FOXK1: variants seen among roughly 807,000 people sequenced by gnomAD.
The protein encoded by FOXK1 is forkhead box protein K1.
FOXK1 carries 19 observed loss-of-function variants against 51.9 expected under a neutral mutation model. The observed-to-expected ratio is 0.37, with a 90% CI of 0.26 to 0.54. The LOEUF (loss-of-function observed/expected upper bound fraction) is 0.54. Ranked by LOEUF, FOXK1 falls within the 20% of genes least tolerant of loss-of-function variation. FOXK1 has a pLI of 0.87. For missense variants in FOXK1, 870 were observed against 1,032.7 expected, an observed-to-expected ratio of 0.84 and a Z score of 2.16; for synonymous variants, 537 against 482.6, an observed-to-expected ratio of 1.11 and a Z score of -1.48.
Position 4,742,537 on chromosome 7 carries a change from C to T in FOXK1, c.746+1514C>T, listed in dbSNP as rs137961573. ...GCTCAAGCGGTCTCCCCACCTCAGC[C>T]TCCCAAGTTGCTGGGACCACAGGCA... On this transcript the variant is annotated intron_variant, in intron 2 of 8. Coordinates refer to ENST00000328914, the MANE Select transcript of FOXK1 (RefSeq NM_001037165.2). Among the ~76,000 whole-genome samples the T allele has an allele frequency of 1.2e-4, 18 of 152,314 alleles. No individual in the cohort carries two copies. The East Asian group carries it at 3.3e-3, about 28-fold the overall frequency.
chr7:4,712,050 C>T (rs1358019070), intron 1 of FOXK1, among the ~76,000 whole-genome samples: 1 of 150,034 alleles, frequency 6.7e-6, no homozygotes, highest in African/African-American at 2.5e-5. Context: ...GGTGGATCAT[C>T]TGTGCTTTTT....
intron 1 of FOXK1, among the ~76,000 whole-genome samples, chr7:4,705,018 G>A (rs942244021): frequency 2.6e-5 from 4 of 151,638 alleles, no homozygotes; most frequent in African/African-American, 9.7e-5. Flanking sequence ...TTTTAGTAGA[G>A]ACAGGGTTTC....
At chr7:4,739,276 C>T (rs1780597960) in intron 1 of FOXK1, among the ~76,000 whole-genome samples, 1 of 152,234 alleles carries the variant, frequency 6.6e-6, no homozygotes. Context: ...CGCATTATCA[C>T]CGGTGGCTTA....
chr7:4,712,694 C>T (rs1380519768), intron 1 of FOXK1, among the ~76,000 whole-genome samples: 1 of 152,094 alleles, frequency 6.6e-6, no homozygotes, highest in African/African-American at 2.4e-5. Context: ...CAAGGGTTTC[C>T]GATCCTCTTA....
At position 4,762,653 on chromosome 7, in the gene FOXK1, A is replaced by T. The variant is rs192743743; in HGVS notation, c.*189A>T. 2 of 597,976 alleles carry T rather than the reference A, an allele frequency of 3.3e-6. No homozygotes were observed. Among genetic ancestry groups the T allele is most frequent in the East Asian group, 5.6e-5 (2 of 35,666 alleles). 37.0% of individuals were successfully genotyped at this position (597,976 alleles called of 1,614,324 possible). On this transcript the variant is annotated 3_prime_UTR_variant, in exon 9 of 9. Coordinates refer to ENST00000328914, the MANE Select transcript of FOXK1 (RefSeq NM_001037165.2). The surrounding 1 kb of genome is among the most constrained non-coding windows in gnomAD (Gnocchi z 5.7). Reference sequence around the variant, plus strand: ...CCTTCCCGTGGTTTAAGACAAAAACACATAAACAAGTTCAGACAACTGATT... The same window carrying T: ...CCTTCCCGTGGTTTAAGACAAAAACTCATAAACAAGTTCAGACAACTGATT...
intron 1 of FOXK1, among the ~76,000 whole-genome samples, chr7:4,740,561 A>G (rs1201648882): frequency 6.6e-6 from 1 of 152,126 alleles, no homozygotes; most frequent in Non-Finnish European, 1.5e-5. Flanking sequence ...CGGTGAGCTG[A>G]GATCCTGCCA....
At chr7:4,737,707 G>T (rs1162566148) in intron 1 of FOXK1, among the ~76,000 whole-genome samples, 1 of 152,172 alleles carries the variant, frequency 6.6e-6, no homozygotes, top group African/African-American at 2.4e-5. Context: ...TGCTTCCCTA[G>T]GTCAGGGACA....
Position 4,740,986 on chromosome 7 carries a change from A to G in FOXK1, c.709A>G (p.Met237Val), listed in dbSNP as rs778893679. The G allele has an allele frequency of 6.4e-7, 1 of 1,559,968 alleles. No individual in the cohort carries two copies. The highest frequency in any genetic ancestry group is 8.6e-7 in the Non-Finnish European group (1 of 1,158,256). The change falls in exon 2 of 9, where the codon ATG (methionine) becomes GTG (valine). Residue 237 changes from methionine to valine, a missense_variant. By Grantham distance (21) the Met-to-Val change is conservative. Transcript: ENST00000328914. ...IHIPEPDLRS[M>V]VSPVPSPTGT... is the part of the protein sequence containing the mutation. ...CATCCCGGAGCCGGACCTCCGGAGC[A>G]TGGTCAGCCCCGTCCCCTCCCCGAC... is the stretch of plus-strand genomic sequence containing the variant.
intron 1 of FOXK1, among the ~76,000 whole-genome samples, chr7:4,740,240 C>G (rs1449035820): frequency 6.6e-6 from 1 of 152,108 alleles, no homozygotes; most frequent in Non-Finnish European, 1.5e-5. Flanking sequence ...ACCATCCTGG[C>G]TAACACAGTG....
rs1299939371 is a variant in FOXK1, at chr7:4,764,238, C to G, written c.*1774C>G. 1 of 154,456 alleles carries G rather than the reference C, an allele frequency of 6.5e-6. No homozygotes were observed. Among genetic ancestry groups the G allele is most frequent in the Non-Finnish European group, 1.5e-5 (1 of 68,266 alleles). 9.6% of individuals were successfully genotyped at this position (154,456 alleles called of 1,614,324 possible). On this transcript the variant is annotated 3_prime_UTR_variant, in exon 9 of 9. Coordinates refer to ENST00000328914, the MANE Select transcript of FOXK1 (RefSeq NM_001037165.2). ...AGGACAAGTGCAGAACCTCTGTGGGCCCCCTCCTTCCACCTAGATAGAGAA... is the reference window on the plus strand; with the variant it reads ...AGGACAAGTGCAGAACCTCTGTGGGGCCCCTCCTTCCACCTAGATAGAGAA...
rs1781012613 is a variant in FOXK1, at chr7:4,766,502, T to G, written c.*4038T>G. The G allele has an allele frequency of 6.6e-6, 1 of 152,220 alleles. No homozygotes were observed. The highest frequency in any genetic ancestry group is 1.5e-5 in the Non-Finnish European group (1 of 68,056). The allele number at this position is 152,220 out of a possible 1,614,324, so 9.4% of individuals were successfully genotyped here. On this transcript the variant is annotated 3_prime_UTR_variant, in exon 9 of 9. Transcript: ENST00000328914. This position sits in a 1 kb window ranked among gnomAD's most constrained non-coding sequence, Gnocchi z 5.5. ...CTTTGGGATTTGCTGTTTATTTGTA[T>G]CTCCCTTTTCTTTGATTTAAGAACA... is the stretch of plus-strand genomic sequence containing the variant.
intron 1 of FOXK1, among the ~76,000 whole-genome samples, chr7:4,738,909 C>T (rs1419994371): frequency 6.6e-6 from 1 of 152,136 alleles, no homozygotes; most frequent in Non-Finnish European, 1.5e-5. Flanking sequence ...AGGAGCCGCA[C>T]ATTTGTAATG....
At chr7:4,690,805 T>C (rs1284493314) in intron 1 of FOXK1, among the ~76,000 whole-genome samples, 1 of 152,210 alleles carries the variant, frequency 6.6e-6, no homozygotes, top group Non-Finnish European at 1.5e-5. Context: ...TAGAGTAATT[T>C]ACGATTTGCT....
Position 4,770,134 on chromosome 7 carries a change from T to C in FOXK1, c.*7670T>C, listed in dbSNP as rs1781078738. The C allele has an allele frequency of 1.3e-5, 2 of 152,216 alleles. No individual in the cohort carries two copies. The highest frequency in any genetic ancestry group is 2.4e-5 in the African/African-American group (1 of 41,460). 9.4% of individuals were successfully genotyped at this position (152,216 alleles called of 1,614,324 possible). ...TTTGTTTGTTTGTTTGTTCTCTGCA[T>C]GAAGTTCACAGGCCTGTATGGATGT... is the stretch of plus-strand genomic sequence containing the variant. On this transcript the variant is annotated 3_prime_UTR_variant, in exon 9 of 9. Transcript: ENST00000328914.
At position 4,759,686 on chromosome 7, in the gene FOXK1, G is replaced by A. The variant is rs1442260999; in HGVS notation, c.1696+91G>A. 2.9e-6 allele frequency: 4 copies of A among 1,387,104 alleles called. No individual in the cohort carries two copies. In the Admixed American group the frequency reaches 7.2e-5, roughly 25 times the overall value. The allele number at this position is 1,387,104 out of a possible 1,614,324, so 85.9% of individuals were successfully genotyped here. A position where few individuals can be genotyped will look rare whatever the true frequency, so the allele number is the denominator to read the frequency against. ...AAGGCAGCGCCATTGGCCTGGGCCT[G>A]GGGCTTGAGGAGGATGATTCTCTGC... On this transcript the variant is annotated intron_variant, in intron 7 of 8. Transcript: ENST00000328914.
At chr7:4,717,771 C>T (rs1780255252) in intron 1 of FOXK1, among the ~76,000 whole-genome samples, 1 of 152,150 alleles carries the variant, frequency 6.6e-6, no homozygotes, top group Non-Finnish European at 1.5e-5. Flanking sequence ...AATGCTGTTT[C>T]TTCTGAAGCT....
rs981781857 is a variant in FOXK1 at position 4,747,673 on chromosome 7, C to G, written c.746+6650C>G. On this transcript the variant is annotated intron_variant, in intron 2 of 8. Transcript: ENST00000328914. The surrounding 1 kb of genome is among the most constrained non-coding windows in gnomAD (Gnocchi z 9.2). ...ACTGCAGCCTCCTGAGTAGCTAGGA[C>G]TACAGGCACCCACCACCACACACAC... Among the ~76,000 whole-genome samples, 1 of 150,908 alleles carries G rather than the reference C, an allele frequency of 6.6e-6. No individual in the cohort carries two copies. Among genetic ancestry groups the G allele is most frequent in the African/African-American group, 2.4e-5 (1 of 40,934 alleles).
intron 5 of FOXK1, 73 bp downstream of exon 5, chr7:4,757,260 C>CTCT: frequency 7.5e-7 from 1 of 1,341,080 alleles, no homozygotes; most frequent in Non-Finnish European, 1.0e-6. Flanking sequence ...AGATACGTGG[C>CTCT]GCAGTCAGCC....
chr7:4,711,497 A>G lies in FOXK1; in HGVS notation c.560+28629A>G, dbSNP rs1007883594. Among the ~76,000 whole-genome samples, 3 of 152,110 alleles carry G rather than the reference A, an allele frequency of 2.0e-5. No homozygotes were observed. The highest frequency in any genetic ancestry group is 6.5e-5 in the Admixed American group (1 of 15,268). On this transcript the variant is annotated intron_variant, in intron 1 of 8. Coordinates refer to ENST00000328914, the MANE Select transcript of FOXK1 (RefSeq NM_001037165.2). This position sits in a 1 kb window ranked among gnomAD's most constrained non-coding sequence, Gnocchi z 6.3. The stretch of plus-strand genomic sequence containing the variant: ...TCAGTGGCCCTCAGACGTCTTGGCA[A>G]GTGAAGAGTGTGAAGAGGTGTGCCC...
Sources: allele counts gnomAD v4.1 joint callset (sites outside exome capture counted in the v4.1 genomes callset), GRCh38; gene constraint gnomAD v4.1.1; non-coding constraint Gnocchi (gnomAD v3.1); transcripts MANE v1.5; gene names NCBI Gene and HGNC (gene_info 2026-07-23, HGNC 2026-07-21).